The following SOX6 variants were observed in gnomAD, a reference collection of about 807,000 sequenced individuals.
The protein encoded by SOX6 is SRY-box transcription factor 6, also known as transcription factor SOX-6.
SOX6 carries 11 observed loss-of-function variants against 97.8 expected under a neutral mutation model. That is an observed-to-expected ratio of 0.11 (90% confidence interval 0.07 to 0.19). The LOEUF is 0.19. SOX6 is among the 10% of genes least tolerant of loss of function. The pLI, the probability that SOX6 is intolerant of heterozygous loss-of-function variation, is 1.00. For missense variants in SOX6, 810 were observed against 1,039.5 expected (o/e 0.78, Z 3.04); for synonymous variants, 360 against 371.4 (o/e 0.97, Z 0.35).
intron 3 of SOX6, chr11:16,252,274 A>G (rs1853537324): frequency 1.3e-5 from 2 of 152,248 alleles, no homozygotes; most frequent in South Asian, 4.1e-4. Context: ...AAAAGTCAAC[A>G]GCTCTTCTTA....
intron 3 of SOX6, among the ~76,000 whole-genome samples, chr11:16,282,388 G>T (rs370313096): frequency 7.9e-5 from 12 of 151,428 alleles, no homozygotes; most frequent in East Asian, 7.7e-4. Context: ...AAGTTTTCTG[G>T]ACTCAAAATA....
chr11:16,621,448 T>A (rs1451968380), intron 3 of SOX6, among the ~76,000 whole-genome samples: 1 of 152,156 alleles, frequency 6.6e-6, no homozygotes, highest in Non-Finnish European at 1.5e-5. Context: ...ACTGTCATGG[T>A]CATTCAAATG....
At chr11:16,608,259 T>C (rs555933226) in intron 4 of SOX6, among the ~76,000 whole-genome samples, 3 of 151,516 alleles carry the variant, frequency 2.0e-5, no homozygotes, top group Non-Finnish European at 2.9e-5. Flanking sequence ...AGTCAAATGG[T>C]AAAGGAAAAT....
At chr11:16,558,201 T>G (rs1276088226) in intron 4 of SOX6, among the ~76,000 whole-genome samples, 1 of 151,936 alleles carries the variant, frequency 6.6e-6, no homozygotes, top group East Asian at 1.9e-4. Flanking sequence ...CTATAAACTC[T>G]GATTGCTGGC....
At chr11:16,105,585 C>T (rs1471871085) in intron 7 of SOX6, among the ~76,000 whole-genome samples, 1 of 152,030 alleles carries the variant, frequency 6.6e-6, no homozygotes, top group East Asian at 1.9e-4. Flanking sequence ...AACAAACAAA[C>T]ATCCACAGCT....
At chr11:16,098,457 T>C (rs1200404694) in intron 7 of SOX6, among the ~76,000 whole-genome samples, 1 of 151,910 alleles carries the variant, frequency 6.6e-6, no homozygotes, top group Non-Finnish European at 1.5e-5. Flanking sequence ...TATCTTAATG[T>C]GTTTCTGACT....
chr11:16,091,515 TG>T (rs1265084433), intron 9 of SOX6, among the ~76,000 whole-genome samples: 3 of 152,046 alleles, frequency 2.0e-5, no homozygotes, highest in Non-Finnish European at 2.9e-5. Context: ...AGGCTGCAAC[TG>T]AAATAGAAAT....
At chr11:16,632,109 G>T (rs1397330935) in intron 3 of SOX6, among the ~76,000 whole-genome samples, 1 of 152,170 alleles carries the variant, frequency 6.6e-6, no homozygotes, top group Non-Finnish European at 1.5e-5. Flanking sequence ...TCCATTGCTA[G>T]AGAGCTAATG....
At chr11:16,266,438 A>C (rs1021780443) in intron 3 of SOX6, among the ~76,000 whole-genome samples, 1 of 151,698 alleles carries the variant, frequency 6.6e-6, no homozygotes, top group African/African-American at 2.4e-5. Flanking sequence ...GAAATCCATC[A>C]AGCAAAAAAA....
At chr11:16,514,501 C>A (rs1860932151) in intron 4 of SOX6, among the ~76,000 whole-genome samples, 2 of 151,798 alleles carry the variant, frequency 1.3e-5, no homozygotes, top group Admixed American at 6.6e-5. Context: ...TTTTCCCAGA[C>A]TTATAAAATA....
chr11:16,197,614 A>G (rs1799651645), intron 4 of SOX6, among the ~76,000 whole-genome samples: 1 of 152,220 alleles, frequency 6.6e-6, no homozygotes, highest in African/African-American at 2.4e-5. Context: ...TGTTCTTTTC[A>G]TTCACAATGT....
chr11:16,444,485 T>C (rs1859574943), intron 1 of SOX6, among the ~76,000 whole-genome samples: 1 of 152,198 alleles, frequency 6.6e-6, no homozygotes, highest in African/African-American at 2.4e-5. Flanking sequence ...TAGCCCACTA[T>C]AATGGCAAGG....
intron 3 of SOX6, among the ~76,000 whole-genome samples, chr11:16,665,478 G>T (rs575200850): frequency 1.2e-4 from 19 of 152,290 alleles, no homozygotes; most frequent in African/African-American, 4.3e-4. Context: ...GAAAACAGTG[G>T]GAAGGACTTT....
At position 16,706,469 on chromosome 11, in the gene SOX6, AAAATATATATATATATATATATATAT is replaced by A. The variant is rs1397692764; in HGVS notation, n.429+8335_429+8360del. Among the ~76,000 whole-genome samples, 84 of 27,016 alleles carry A rather than the reference AAAATATATATATATATATATATATAT, an allele frequency of 3.1e-3. 12 individuals are homozygous for A. The highest frequency in any genetic ancestry group is 0.012 in the African/African-American group (70 of 5,902). 17.7% of individuals were successfully genotyped at this position (27,016 alleles called of 152,430 possible). A position where few individuals can be genotyped will look rare whatever the true frequency, so the allele number is the denominator to read the frequency against. On this transcript the variant is annotated intron_variant and non_coding_transcript_variant, in intron 3 of 5. Transcript: ENST00000524520. The stretch of plus-strand genomic sequence containing the variant: ...TATCACAAAAAAAAAAAAAAAAAAA[AAAATATATATATATATATATATATAT>A]ATATATATATATATATATATATATA...
intron 4 of SOX6, among the ~76,000 whole-genome samples, chr11:16,574,609 C>T (rs1178929721): frequency 2.6e-5 from 4 of 151,766 alleles, no homozygotes; most frequent in African/African-American, 7.3e-5. Context: ...AACTATACAA[C>T]AATATTAAAA....
intron 4 of SOX6, among the ~76,000 whole-genome samples, chr11:16,194,101 A>C (rs1316456292): frequency 6.6e-6 from 1 of 152,236 alleles, no homozygotes; most frequent in Non-Finnish European, 1.5e-5. Flanking sequence ...GTCCCCTGAT[A>C]AAAGTTACTT....
chr11:16,327,815 C>T (rs1010477517), intron 2 of SOX6, among the ~76,000 whole-genome samples: 5 of 152,086 alleles, frequency 3.3e-5, no homozygotes, highest in Non-Finnish European at 7.4e-5. Context: ...AATTGAAACC[C>T]ACATACAGGT....
chr11:16,433,145 C>A (rs1159262734), intron 1 of SOX6, among the ~76,000 whole-genome samples: 2 of 152,092 alleles, frequency 1.3e-5, no homozygotes, highest in African/African-American at 2.4e-5. Context: ...ATTAATTTCA[C>A]CTGAAATTAT....
intron 4 of SOX6, among the ~76,000 whole-genome samples, chr11:16,512,264 T>C (rs1860892852): frequency 6.6e-6 from 1 of 152,194 alleles, no homozygotes; most frequent in African/African-American, 2.4e-5. Context: ...CTTAACTTTT[T>C]AAGAGAAATA....
Sources: gnomAD v4.1 joint callset for allele counts (sites outside exome capture counted in the v4.1 genomes callset) on GRCh38, gnomAD v4.1.1 for gene constraint, MANE v1.5 for transcripts, NCBI Gene and HGNC (gene_info 2026-07-23, HGNC 2026-07-21) for gene names.